The following STXBP5L variants were observed in gnomAD, a reference collection of about 807,000 sequenced individuals.
The protein encoded by STXBP5L is syntaxin-binding protein 5-like.
In STXBP5L, 65 loss-of-function variants were observed where a neutral mutation model predicts 144.5. The observed-to-expected ratio is 0.45, with a 90% confidence interval of 0.37 to 0.55. The LOEUF (loss-of-function observed/expected upper bound fraction) is 0.55, where lower values mean the gene tolerates loss of function less well. Among genes scored for constraint, STXBP5L ranks in the 20% least tolerant of loss-of-function variants. The probability of loss-of-function intolerance (pLI) is 0.00; values close to 1 mark genes in which losing one functional copy is unlikely to be tolerated. For missense variants in STXBP5L, 1,298 were observed against 1,405.5 expected (o/e 0.92, Z 1.22); for synonymous variants, 505 against 469.6 (o/e 1.08, Z -0.97).
intron 5 of STXBP5L, among the ~76,000 whole-genome samples, chr3:121,070,014 C>G (rs2041735463): frequency 6.6e-6 from 1 of 152,118 alleles, no homozygotes; most frequent in South Asian, 2.1e-4. Context: ...TTATTCATTT[C>G]AAAGAATTTT....
intron 11 of STXBP5L, among the ~76,000 whole-genome samples, chr3:121,232,890 T>TG (rs1254081140): frequency 1.3e-5 from 2 of 152,158 alleles, no homozygotes; most frequent in Non-Finnish European, 2.9e-5. Flanking sequence ...GATCCTTCCC[T>TG]GGTGTGATAC....
chr3:121,365,002 CTCTA>C (rs2045824037), intron 20 of STXBP5L, among the ~76,000 whole-genome samples: 1 of 151,614 alleles, frequency 6.6e-6, no homozygotes, highest in African/African-American at 2.4e-5. Flanking sequence ...TTTTTTGAGT[CTCTA>C]TCTGAGTCTG....
intron 20 of STXBP5L, among the ~76,000 whole-genome samples, chr3:121,370,184 G>A (rs1273062460): frequency 6.6e-6 from 1 of 152,046 alleles, no homozygotes; most frequent in Non-Finnish European, 1.5e-5. Flanking sequence ...TGGCCAACAT[G>A]GTGAAACCCG....
Position 121,420,279 on chromosome 3 carries a change from G to A in STXBP5L, c.*1182G>A, listed in dbSNP as rs531946471. On this transcript the variant is annotated 3_prime_UTR_variant, in exon 27 of 27. Coordinates refer to ENST00000471454, the MANE Select transcript of STXBP5L (RefSeq NM_001308330.2). ...GATACTTACCACTGGAAATTGGTTCGATACTTACCACTGGAAATCTTTATA... is the reference window on the plus strand; with the variant it reads ...GATACTTACCACTGGAAATTGGTTCAATACTTACCACTGGAAATCTTTATA... 5 of 152,212 alleles carry A rather than the reference G, an allele frequency of 3.3e-5. No homozygotes were observed. Among genetic ancestry groups the A allele is most frequent in the Non-Finnish European group, 5.9e-5 (4 of 67,998 alleles). 9.4% of individuals were successfully genotyped at this position (152,212 alleles called of 1,614,324 possible).
At chr3:121,117,444 T>A (rs892877552) in intron 6 of STXBP5L, among the ~76,000 whole-genome samples, 1 of 151,862 alleles carries the variant, frequency 6.6e-6, no homozygotes, top group Admixed American at 6.6e-5. Context: ...GATAACATTT[T>A]AAATGCCAAT....
chr3:120,939,223 G>T lies in STXBP5L; in HGVS notation c.190-15717G>T, dbSNP rs1272973649. ...GTGTCTAGTACGTAGTAAACAAATG[G>T]TAGGGATATCAGCCCTGGGTGCAAG... On this transcript the variant is annotated intron_variant, in intron 2 of 26. Coordinates refer to ENST00000471454, the MANE Select transcript of STXBP5L (RefSeq NM_001308330.2). 3.3e-5 allele frequency among the ~76,000 whole-genome samples: 5 copies of T among 152,274 alleles called. No individual in the cohort carries two copies. In the East Asian group the frequency reaches 9.6e-4, roughly 29 times the overall value.
At chr3:121,322,523 G>A (rs557333236) in intron 20 of STXBP5L, among the ~76,000 whole-genome samples, 1 of 149,928 alleles carries the variant, frequency 6.7e-6, no homozygotes, top group South Asian at 2.1e-4. Context: ...TGGCTGCATA[G>A]CATTCCATGG....
intron 5 of STXBP5L, among the ~76,000 whole-genome samples, chr3:121,095,584 C>G (rs912873245): frequency 2.6e-5 from 4 of 152,200 alleles, no homozygotes; most frequent in African/African-American, 9.7e-5. Flanking sequence ...GAATCGGCTA[C>G]TGAAGCTTGT....
At chr3:121,195,821 G>A (rs189207292) in intron 9 of STXBP5L, among the ~76,000 whole-genome samples, 11 of 152,254 alleles carry the variant, frequency 7.2e-5, no homozygotes, top group African/African-American at 2.6e-4. Flanking sequence ...GAACCTGCAG[G>A]GAAGAGAAGG....
At chr3:121,102,367 TAGACCAATGGAAC>T (rs2043474548) in intron 5 of STXBP5L, among the ~76,000 whole-genome samples, 1 of 151,982 alleles carries the variant, frequency 6.6e-6, no homozygotes, top group Non-Finnish European at 1.5e-5. Context: ...CAAAGAGAGA[TAGACCAATGGAAC>T]AGAATAGAGA....
At chr3:121,064,249 C>T (rs375487860) in intron 5 of STXBP5L, among the ~76,000 whole-genome samples, 23 of 152,300 alleles carry the variant, frequency 1.5e-4, no homozygotes, top group African/African-American at 5.3e-4. Context: ...CCTTGCACTT[C>T]CTGGGTGAGG....
intron 23 of STXBP5L, among the ~76,000 whole-genome samples, chr3:121,412,745 A>AC (rs2047145060): frequency 1.3e-5 from 2 of 148,548 alleles, no homozygotes; most frequent in South Asian, 2.1e-4. Context: ...AAAAAAAAAA[A>AC]AAAACAAAAG....
intron 10 of STXBP5L, among the ~76,000 whole-genome samples, chr3:121,217,199 C>A (rs1457135732): frequency 6.6e-6 from 1 of 152,138 alleles, no homozygotes; most frequent in Non-Finnish European, 1.5e-5. Context: ...ATGGTTCTGT[C>A]TTGCTGGCAT....
At chr3:121,087,962 CT>C (rs2042581358) in intron 5 of STXBP5L, among the ~76,000 whole-genome samples, 1 of 152,064 alleles carries the variant, frequency 6.6e-6, no homozygotes. Flanking sequence ...CCCTTTACTT[CT>C]CTCATTTATA....
At chr3:121,308,586 A>G (rs1452682327) in intron 19 of STXBP5L, among the ~76,000 whole-genome samples, 2 of 152,194 alleles carry the variant, frequency 1.3e-5, no homozygotes, top group Non-Finnish European at 2.9e-5. Flanking sequence ...TATAACATAG[A>G]AATTAAATAC....
At chr3:121,071,491 T>A (rs1017650824) in intron 5 of STXBP5L, among the ~76,000 whole-genome samples, 1 of 152,200 alleles carries the variant, frequency 6.6e-6, no homozygotes, top group Admixed American at 6.5e-5. Context: ...TCAGCCATGT[T>A]GGGTGGTCTT....
chr3:121,365,588 C>A (rs1322922518), intron 20 of STXBP5L, among the ~76,000 whole-genome samples: 1 of 151,606 alleles, frequency 6.6e-6, no homozygotes, highest in Non-Finnish European at 1.5e-5. Context: ...TCTTAAAATT[C>A]TTTTTATTTC....
chr3:121,137,936 T>A (rs1316893258), intron 7 of STXBP5L, among the ~76,000 whole-genome samples: 1 of 152,156 alleles, frequency 6.6e-6, no homozygotes, highest in Non-Finnish European at 1.5e-5. Context: ...CCAGAGCAAC[T>A]AGGCAAGTGA....
intron 3 of STXBP5L, among the ~76,000 whole-genome samples, chr3:120,993,954 G>C (rs1387023820): frequency 2.0e-5 from 3 of 151,920 alleles, no homozygotes; most frequent in Admixed American, 1.3e-4. Context: ...CCATCTGTTT[G>C]TGTCCTCTTA....
Sources: gnomAD v4.1 joint callset for allele counts (sites outside exome capture counted in the v4.1 genomes callset) on GRCh38, gnomAD v4.1.1 for gene constraint, MANE v1.5 for transcripts, NCBI Gene and HGNC (gene_info 2026-07-23, HGNC 2026-07-21) for gene names.